The following ROBO2 variants were observed in gnomAD, a reference collection of about 807,000 sequenced individuals.
ROBO2 encodes roundabout guidance receptor 2.
In ROBO2, 53 loss-of-function variants were observed where a neutral mutation model predicts 160.8. The ratio of observed to expected loss-of-function variants is 0.33; its 90% CI spans 0.26 to 0.41. The LOEUF is 0.41. Among genes scored for constraint, ROBO2 ranks in the 10% least tolerant of loss-of-function variants. The pLI is 1.00. For synonymous variants in ROBO2, 664 were observed against 611.7 expected, an observed-to-expected ratio of 1.09 and a Z score of -1.26; for missense variants, 1,577 against 1,722.4, an observed-to-expected ratio of 0.92 and a Z score of 1.49.
At chr3:77,060,078 C>T (rs1234044937) in intron 1 of ROBO2, among the ~76,000 whole-genome samples, 1 of 151,750 alleles carries the variant, frequency 6.6e-6, no homozygotes, top group Admixed American at 6.6e-5. Context: ...CTAGAGCAAA[C>T]TATAAATTCA....
At chr3:76,086,328 C>T (rs969713423) in intron 2 of ROBO2, among the ~76,000 whole-genome samples, 4 of 152,074 alleles carry the variant, frequency 2.6e-5, no homozygotes, top group African/African-American at 4.8e-5. Flanking sequence ...GTAACCGCCC[C>T]CATGATTCAG....
intron 2 of ROBO2, among the ~76,000 whole-genome samples, chr3:76,027,624 G>C (rs2066786783): frequency 6.6e-6 from 1 of 151,814 alleles, no homozygotes. Context: ...ACAGTGTCTT[G>C]CTTCTGGAGA....
intron 2 of ROBO2, among the ~76,000 whole-genome samples, chr3:76,666,884 A>T (rs1300196373): frequency 1.3e-5 from 2 of 152,122 alleles, no homozygotes; most frequent in East Asian, 3.9e-4. Context: ...TATCCTCAGC[A>T]GTGACAGCAT....
intron 2 of ROBO2, among the ~76,000 whole-genome samples, chr3:76,147,560 AACTCT>A (rs2071964292): frequency 6.6e-6 from 1 of 152,060 alleles, no homozygotes. Flanking sequence ...AGCAACCCCC[AACTCT>A]ACTCAAAGTA....
At position 76,847,347 on chromosome 3, in the gene ROBO2, A is replaced by G; in HGVS notation, c.110-250667A>G. ...ACCTTGTCTCTAGGTTATTTTGCTC[A>G]TGTTGCTCCTTATGGAACTACACGT... On this transcript the variant is annotated intron_variant, in intron 2 of 26. Coordinates refer to the ROBO2 transcript ENST00000487694. Among the ~76,000 whole-genome samples the G allele has an allele frequency of 1.3e-5, 2 of 152,126 alleles. 1 individual carries two copies. The highest frequency in any genetic ancestry group is 2.9e-5 in the Non-Finnish European group (2 of 68,022).
chr3:76,956,899 G>A (rs2079311938), intron 2 of ROBO2, among the ~76,000 whole-genome samples: 1 of 152,114 alleles, frequency 6.6e-6, no homozygotes, highest in Non-Finnish European at 1.5e-5. Context: ...GAGGAAGGTT[G>A]TGAGGTGCTT....
At chr3:76,846,433 A>G (rs1446937975) in intron 2 of ROBO2, among the ~76,000 whole-genome samples, 3 of 152,136 alleles carry the variant, frequency 2.0e-5, no homozygotes, top group Non-Finnish European at 4.4e-5. Flanking sequence ...CATAATGTGC[A>G]TATGAGAAAC....
intron 2 of ROBO2, among the ~76,000 whole-genome samples, chr3:76,770,644 T>C (rs267132): frequency 0.7 from 105,486 of 151,032 alleles, 37,299 homozygotes; most frequent in Non-Finnish European, 0.76. Context: ...GCAAAGGCTA[T>C]GGAGAAACAA....
chr3:77,411,768 G>A (rs1297406698), intron 2 of ROBO2, among the ~76,000 whole-genome samples: 1 of 152,176 alleles, frequency 6.6e-6, no homozygotes, highest in East Asian at 1.9e-4. Context: ...CATACTGGCT[G>A]TTTATGGGGA....
intron 2 of ROBO2, among the ~76,000 whole-genome samples, chr3:76,038,810 G>A (rs111337669): frequency 0.02 from 3,052 of 151,644 alleles, 160 homozygotes; most frequent in African/African-American, 0.07. Context: ...GTGTGTGTGT[G>A]TGTGTTTAAA....
At chr3:77,121,426 A>G (rs2074752946) in intron 2 of ROBO2, among the ~76,000 whole-genome samples, 1 of 152,166 alleles carries the variant, frequency 6.6e-6, no homozygotes, top group Non-Finnish European at 1.5e-5. Flanking sequence ...TTTCTGCTTA[A>G]TGATACCTAT....
chr3:76,795,430 A>AATTTG (rs2063625483), intron 2 of ROBO2, among the ~76,000 whole-genome samples: 1 of 152,144 alleles, frequency 6.6e-6, no homozygotes, highest in Non-Finnish European at 1.5e-5. Flanking sequence ...AATTTTATGT[A>AATTTG]GTATTCTAAA....
chr3:76,902,166 A>T (rs17014884), intron 2 of ROBO2, among the ~76,000 whole-genome samples: 1 of 152,176 alleles, frequency 6.6e-6, no homozygotes. Flanking sequence ...TGGAGGTACC[A>T]TAACATTATT....
intron 2 of ROBO2, among the ~76,000 whole-genome samples, chr3:76,138,013 T>C (rs2071493454): frequency 6.6e-6 from 1 of 151,998 alleles, no homozygotes; most frequent in Admixed American, 6.6e-5. Flanking sequence ...AGGAGATTAG[T>C]ACTTAGACAT....
chr3:77,546,591 T>G, intron 7 of ROBO2, 129 bp downstream of exon 8: 1 of 1,197,744 alleles, frequency 8.3e-7, no homozygotes, highest in Non-Finnish European at 1.2e-6. Context: ...AAGAGACTGG[T>G]GAATGTAAAA....
intron 2 of ROBO2, among the ~76,000 whole-genome samples, chr3:77,211,371 G>A (rs1404315279): frequency 2.0e-5 from 3 of 152,158 alleles, no homozygotes; most frequent in African/African-American, 7.2e-5. Context: ...GTGTCTTTTG[G>A]CTGCATAAAT....
At chr3:76,215,029 G>A (rs1246800351) in intron 2 of ROBO2, among the ~76,000 whole-genome samples, 5 of 152,152 alleles carry the variant, frequency 3.3e-5, no homozygotes, top group Admixed American at 6.5e-5. Flanking sequence ...TGCAGCCACC[G>A]CTGCTGATAC....
intron 1 of ROBO2, among the ~76,000 whole-genome samples, chr3:77,044,644 T>G (rs2064455191): frequency 1.3e-5 from 2 of 152,142 alleles, no homozygotes; most frequent in Middle Eastern, 3.2e-3. Flanking sequence ...TTAGAAAATC[T>G]GCATTTAAAG....
At chr3:76,372,512 G>C (rs1292253941) in intron 2 of ROBO2, among the ~76,000 whole-genome samples, 1 of 151,916 alleles carries the variant, frequency 6.6e-6, no homozygotes, top group Non-Finnish European at 1.5e-5. Context: ...CTCCCAAACT[G>C]TACCTTAACC....
Sources: allele counts gnomAD v4.1 joint callset (sites outside exome capture counted in the v4.1 genomes callset), GRCh38; gene constraint gnomAD v4.1.1; transcripts MANE v1.5; gene names NCBI Gene and HGNC (gene_info 2026-07-23, HGNC 2026-07-21).